The following YWHAQ variants were observed in gnomAD, a reference collection of about 807,000 sequenced individuals.
YWHAQ encodes 14-3-3 protein theta.
In YWHAQ, 6 loss-of-function variants were observed where a neutral mutation model predicts 28.3. The ratio of observed to expected loss-of-function variants is 0.21; its 90% confidence interval spans 0.12 to 0.42. The LOEUF (loss-of-function observed/expected upper bound fraction) is 0.42. YWHAQ is among the 10% of genes least tolerant of loss of function. The pLI is 1.00. For synonymous variants in YWHAQ, 143 were observed against 119.1 expected (o/e 1.20, Z -1.31); for missense variants, 201 against 305.6 (o/e 0.66, Z 2.55).
chr2:9,595,595 T>C (rs529350832), intron 2 of YWHAQ, among the ~76,000 whole-genome samples: 8 of 151,734 alleles, frequency 5.3e-5, no homozygotes, highest in South Asian at 4.2e-4. Context: ...TCCCAGCTAT[T>C]TGGGAGGCTG....
intron 2 of YWHAQ, among the ~76,000 whole-genome samples, chr2:9,601,010 G>A (rs2125066113): frequency 6.6e-6 from 1 of 152,284 alleles, no homozygotes; most frequent in Non-Finnish European, 1.5e-5. Flanking sequence ...ATACACTGTA[G>A]GGAACCAAAA....
intron 3 of YWHAQ, among the ~76,000 whole-genome samples, chr2:9,591,185 G>A (rs1237416980): frequency 6.6e-6 from 1 of 152,140 alleles, no homozygotes; most frequent in Non-Finnish European, 1.5e-5. Context: ...GTTCACAGAT[G>A]AGCTTAATTT....
At chr2:9,611,773 C>T (rs1666953385) in intron 2 of YWHAQ, among the ~76,000 whole-genome samples, 1 of 152,302 alleles carries the variant, frequency 6.6e-6, no homozygotes, top group East Asian at 1.9e-4. Flanking sequence ...CGGGTTCAAG[C>T]GATTCTCGTG....
intron 2 of YWHAQ, among the ~76,000 whole-genome samples, chr2:9,614,022 A>T (rs1666999365): frequency 6.6e-6 from 1 of 152,204 alleles, no homozygotes; most frequent in Non-Finnish European, 1.5e-5. Context: ...CATCCAATGC[A>T]GCCTAACCAA....
rs1351421945 is a variant in YWHAQ at position 9,588,282 on chromosome 2, T to C, written c.465A>G (p.Ile155Met). 6.2e-7 allele frequency: 1 copy of C among 1,609,768 alleles called. No individual in the cohort carries two copies. Among genetic ancestry groups the C allele is most frequent in the Non-Finnish European group, 8.5e-7 (1 of 1,179,040 alleles). Residue 155 changes from isoleucine to methionine, a missense_variant, in exon 4 of 6, where the codon ATA becomes ATG. Physicochemically the swap from Ile to Met is conservative, Grantham distance 10 (BLOSUM62 1). This residue lies in a region of YWHAQ where 162 missense variants were observed against 213.9 expected (regional missense o/e 0.76). Transcript: ENST00000238081. ...SQGAYQEAFDISKKEMQPTHP... is the reference protein window; with the variant it reads ...SQGAYQEAFDMSKKEMQPTHP... ...GTGTGGGTTGCATCTCTTTCTTGCT[T>C]ATATCAAATGCCTCTTGGTAAGCTC...
intron 2 of YWHAQ, among the ~76,000 whole-genome samples, chr2:9,627,824 C>G (rs183050292): frequency 3.9e-4 from 59 of 152,336 alleles, no homozygotes; most frequent in African/African-American, 1.3e-3. Flanking sequence ...CACCGACACA[C>G]TGTTCCCCGA....
chr2:9,595,164 C>T (rs948910978), intron 2 of YWHAQ, among the ~76,000 whole-genome samples: 1 of 152,132 alleles, frequency 6.6e-6, no homozygotes, highest in Non-Finnish European at 1.5e-5. Flanking sequence ...CAGAATAGTT[C>T]CGTCTTTCCA....
intron 2 of YWHAQ, among the ~76,000 whole-genome samples, chr2:9,624,529 G>A (rs931515312): frequency 6.6e-6 from 1 of 152,042 alleles, no homozygotes; most frequent in Non-Finnish European, 1.5e-5. Context: ...GCATGGGGGG[G>A]GCTGGGGTCT....
chr2:9,624,480 T>C (rs1372242801), intron 2 of YWHAQ, among the ~76,000 whole-genome samples: 2 of 152,084 alleles, frequency 1.3e-5, no homozygotes, highest in East Asian at 1.9e-4. Flanking sequence ...TCATTTTATT[T>C]ATGGACTAAT....
intron 2 of YWHAQ, among the ~76,000 whole-genome samples, chr2:9,595,698 C>CAAA (rs34902007): frequency 4.0e-5 from 3 of 75,440 alleles, no homozygotes; most frequent in Non-Finnish European, 8.0e-5. Context: ...AATTCCATCT[C>CAAA]AAAAAAAAAA....
chr2:9,612,707 G>C (rs903283692), intron 2 of YWHAQ, among the ~76,000 whole-genome samples: 5 of 152,172 alleles, frequency 3.3e-5, no homozygotes, highest in African/African-American at 1.2e-4. Context: ...TAGGAATACA[G>C]CAGGTATTGG....
At chr2:9,591,270 G>C in intron 3 of YWHAQ, 122 bp downstream of exon 3, 2 of 1,194,480 alleles carry the variant, frequency 1.7e-6, no homozygotes, top group Non-Finnish European at 1.1e-6. Flanking sequence ...TAATTTTCTT[G>C]ACATACATTC....
intron 2 of YWHAQ, among the ~76,000 whole-genome samples, chr2:9,624,616 C>T (rs929077244): frequency 5.9e-5 from 9 of 152,094 alleles, no homozygotes; most frequent in Non-Finnish European, 5.9e-5. Flanking sequence ...GTGAGCAGCA[C>T]CTTCCTTCCT....
chr2:9,585,151 G>A lies in YWHAQ; in HGVS notation c.*135C>T. The A allele has an allele frequency of 2.1e-6, 2 of 951,328 alleles. No homozygotes were observed. Among genetic ancestry groups the A allele is most frequent in the Non-Finnish European group, 3.2e-6 (2 of 622,502 alleles). 58.9% of individuals were successfully genotyped at this position (951,328 alleles called of 1,614,324 possible). On this transcript the variant is annotated 3_prime_UTR_variant, in exon 6 of 6. Coordinates refer to ENST00000238081, the MANE Select transcript of YWHAQ (RefSeq NM_006826.4). ...GGAATGAAGTTTTCCCAAAGCTGCA[G>A]TGTGAAAAGACTATAAACAGTTGAT...
At chr2:9,606,628 CACGCCATTATCCT>C (rs1264199762) in intron 2 of YWHAQ, among the ~76,000 whole-genome samples, 17 of 152,138 alleles carry the variant, frequency 1.1e-4, no homozygotes, top group Non-Finnish European at 1.5e-5. Flanking sequence ...CACTCAGGTT[CACGCCATTATCCT>C]GCCTCAGCCT....
chr2:9,600,344 T>C (rs73155523), intron 2 of YWHAQ, among the ~76,000 whole-genome samples: 5,581 of 152,300 alleles, frequency 0.037, 293 homozygotes, highest in African/African-American at 0.12. Context: ...TTTGAGAGGA[T>C]TGCCTCTGAT....
In YWHAQ at chr2:9,630,486, G is replaced by C. The variant is rs1210301101; in HGVS notation, c.-34C>G. Reference sequence around the variant, plus strand: ...CGGGGCCGGGGCCGGGGCGGAGGGCGAGGAGAGCGAGGGCGAGCGCCGACC... The same window carrying C: ...CGGGGCCGGGGCCGGGGCGGAGGGCCAGGAGAGCGAGGGCGAGCGCCGACC... On this transcript the variant is annotated 5_prime_UTR_variant, in exon 2 of 6. Coordinates refer to ENST00000238081, the MANE Select transcript of YWHAQ (RefSeq NM_006826.4). This position sits in a 1 kb window ranked among gnomAD's most constrained non-coding sequence, Gnocchi z 5.6. The C allele has an allele frequency of 5.2e-6, 8 of 1,544,106 alleles. No individual in the cohort carries two copies. The highest frequency in any genetic ancestry group is 1.8e-5 in the Admixed American group (1 of 54,320).
At chr2:9,596,341 T>C (rs1184917078) in intron 2 of YWHAQ, among the ~76,000 whole-genome samples, 3 of 152,168 alleles carry the variant, frequency 2.0e-5, no homozygotes, top group Non-Finnish European at 4.4e-5. Context: ...AATAATTTAT[T>C]TGGTTTCAGT....
rs145852818 is a variant in YWHAQ, at chr2:9,596,557, T to C, written c.295-5042A>G. 9.9e-4 allele frequency among the ~76,000 whole-genome samples: 151 copies of C among 152,346 alleles called. 1 individual carries two copies. The highest frequency in any genetic ancestry group is 3.3e-3 in the African/African-American group (138 of 41,588). ...TTCCTAATAGTTTACTGAGGTTCAT[T>C]AGCAAACACACTATTAACATGCTGA... is the stretch of plus-strand genomic sequence containing the variant. On this transcript the variant is annotated intron_variant, in intron 2 of 5. Coordinates refer to ENST00000238081, the MANE Select transcript of YWHAQ (RefSeq NM_006826.4).
Sources: allele counts gnomAD v4.1 joint callset (sites outside exome capture counted in the v4.1 genomes callset), GRCh38; gene constraint gnomAD v4.1.1; regional missense constraint gnomAD v4.1.1; non-coding constraint Gnocchi (gnomAD v3.1); transcripts MANE v1.5; gene names NCBI Gene and HGNC (gene_info 2026-07-23, HGNC 2026-07-21).